KIF1A: variants seen among roughly 807,000 people sequenced by gnomAD.
KIF1A encodes kinesin-like protein KIF1A.
A neutral mutation model predicts 227.3 loss-of-function variants in KIF1A; 46 were observed. That is an observed-to-expected ratio of 0.20 (90% CI 0.16 to 0.26). KIF1A has a LOEUF of 0.26. KIF1A is among the 10% of genes least tolerant of loss of function. The pLI, the probability that KIF1A is intolerant of heterozygous loss-of-function variation, is 1.00. For missense variants in KIF1A, 1,683 were observed against 2,485.9 expected, an observed-to-expected ratio of 0.68 and a Z score of 6.87; for synonymous variants, 1,022 against 1,012.8, an observed-to-expected ratio of 1.01 and a Z score of -0.17.
intron 1 of KIF1A, among the ~76,000 whole-genome samples, chr2:240,815,017 C>T (rs372962209): frequency 4.6e-4 from 70 of 152,340 alleles, no homozygotes; most frequent in African/African-American, 1.7e-3. Context: ...GGTGTGGGGC[C>T]GTAAGCGTGC....
intron 38 of KIF1A, among the ~76,000 whole-genome samples, chr2:240,727,383 G>A (rs1214938569): frequency 1.3e-5 from 2 of 152,156 alleles, no homozygotes; most frequent in East Asian, 3.8e-4. Flanking sequence ...GGGAGGGAGA[G>A]GGCAGAGCCT....
At chr2:240,742,392 C>T (rs532729196) in intron 34 of KIF1A, among the ~76,000 whole-genome samples, 14 of 152,298 alleles carry the variant, frequency 9.2e-5, no homozygotes, top group Admixed American at 2.0e-4. Context: ...AGCTCTCCCC[C>T]GACCATGTCC....
chr2:240,776,011 G>T, intron 10 of KIF1A, 85 bp from the exon 11 acceptor site: 2 of 929,636 alleles, frequency 2.2e-6, no homozygotes, highest in East Asian at 2.5e-5. Flanking sequence ...CCTGCCAAGT[G>T]GGTCCTCAAA....
chr2:240,782,027 C>T (rs2126041302), intron 10 of KIF1A: 1 of 985,432 alleles, frequency 1.0e-6, no homozygotes, highest in Admixed American at 6.1e-5. Context: ...CTGTCTCACG[C>T]ATTCCCACGC....
Position 240,721,073 on chromosome 2 carries a change from G to A in KIF1A, c.4744-35C>T, listed in dbSNP as rs1359508959. On this transcript the variant is annotated intron_variant, in intron 44 of 48. Coordinates refer to ENST00000498729, the MANE Select transcript of KIF1A (RefSeq NM_001244008.2). ...AGAGGCCTTTTTCAGGGGACACAGG[G>A]AAGGGGGGTCTCCGGCCTCTGTGGG... The A allele has an allele frequency of 1.9e-6, 3 of 1,609,502 alleles. No individual in the cohort carries two copies. The South Asian group carries it at 3.3e-5, about 18-fold the overall frequency.
upstream of KIF1A, among the ~76,000 whole-genome samples, chr2:240,821,022 T>C (rs1308001211): frequency 1.3e-5 from 2 of 152,154 alleles, no homozygotes; most frequent in African/African-American, 4.8e-5. Context: ...GCCTTCCTAG[T>C]TCCAGGGGCT....
chr2:240,794,345 A>T (rs2056115641), intron 2 of KIF1A, among the ~76,000 whole-genome samples: 1 of 151,630 alleles, frequency 6.6e-6, no homozygotes, highest in African/African-American at 2.4e-5. Flanking sequence ...TTCTTCGGCC[A>T]CTCTTTTCCC....
At chr2:240,781,597 C>T (rs570501031) in intron 10 of KIF1A, among the ~76,000 whole-genome samples, 44 of 152,274 alleles carry the variant, frequency 2.9e-4, no homozygotes, top group African/African-American at 1.0e-3. Context: ...CATTCCCCAG[C>T]GTTCTCTGAC....
intron 25 of KIF1A, among the ~76,000 whole-genome samples, chr2:240,759,710 C>T (rs148470247): frequency 2.0e-5 from 3 of 152,164 alleles, no homozygotes; most frequent in African/African-American, 7.2e-5. Flanking sequence ...CAGTCACCCC[C>T]GTAACTTGAG....
intron 42 of KIF1A, among the ~76,000 whole-genome samples, chr2:240,722,983 C>T (rs1377302222): frequency 6.6e-6 from 1 of 152,154 alleles, no homozygotes; most frequent in Non-Finnish European, 1.5e-5. Flanking sequence ...AGGAGAGGGC[C>T]GAGGGGTGGG....
intron 1 of KIF1A, among the ~76,000 whole-genome samples, chr2:240,816,757 C>A (rs765944155): frequency 6.6e-6 from 1 of 152,218 alleles, no homozygotes; most frequent in Admixed American, 6.5e-5. Context: ...TCCACACATC[C>A]GGATCAATCT....
chr2:240,720,029 G>C, intron 45 of KIF1A, 103 bp from the exon 46 acceptor site: 8 of 1,190,812 alleles, frequency 6.7e-6, no homozygotes, highest in Non-Finnish European at 9.1e-6. Flanking sequence ...AGGTGCAGTA[G>C]GGCACCTTCG....
chr2:240,799,749 C>T (rs1028352490), intron 1 of KIF1A, among the ~76,000 whole-genome samples: 1 of 152,170 alleles, frequency 6.6e-6, no homozygotes, highest in Non-Finnish European at 1.5e-5. Context: ...TTCTAGGGAG[C>T]AATTCTGCAG....
Position 240,758,297 on chromosome 2 carries a change from AC to A in KIF1A, c.2582+62del. The A allele has an allele frequency of 3.2e-6, 5 of 1,555,534 alleles. No homozygotes were observed. The highest frequency in any genetic ancestry group is 2.7e-5 in the African/African-American group (2 of 73,638). ...TTGTATCAGGCCAGGGCCCACTCCT[AC>A]CCCCACTGCCATCTCTCTCTCTCAA... is the stretch of plus-strand genomic sequence containing the variant. On this transcript the variant is annotated intron_variant, in intron 26 of 48. Coordinates refer to ENST00000498729, the MANE Select transcript of KIF1A (RefSeq NM_001244008.2). The surrounding 1 kb of genome is among the most constrained non-coding windows in gnomAD (Gnocchi z 5.2).
At chr2:240,743,148 G>C (rs768539175) in intron 33 of KIF1A, among the ~76,000 whole-genome samples, 164 bp from the exon 34 acceptor site, 6 of 151,988 alleles carry the variant, frequency 3.9e-5, no homozygotes, top group Non-Finnish European at 7.4e-5. Flanking sequence ...AGGGACCCTT[G>C]GGACCCCAGC....
chr2:240,799,209 C>T (rs1312254788), intron 1 of KIF1A, among the ~76,000 whole-genome samples: 1 of 152,118 alleles, frequency 6.6e-6, no homozygotes, highest in Non-Finnish European at 1.5e-5. Flanking sequence ...GGAAAGGGGG[C>T]ACAGCGAGCC....
chr2:240,715,889 G>C lies in KIF1A; in HGVS notation c.*1475C>G, dbSNP rs1481396932. On this transcript the variant is annotated 3_prime_UTR_variant, in exon 49 of 49. Transcript: ENST00000498729. ...GTAACTGCTCCCACGGGCCACGGCG[G>C]GAGAGGGGCTCTGTTGCTTGGCTAC... is the stretch of plus-strand genomic sequence containing the variant. The C allele has an allele frequency of 2.6e-5, 4 of 152,316 alleles. No individual in the cohort carries two copies. The highest frequency in any genetic ancestry group is 5.9e-5 in the Non-Finnish European group (4 of 68,054). The allele number at this position is 152,316 out of a possible 1,614,324, so 9.4% of individuals were successfully genotyped here.
At chr2:240,784,286 T>A (rs2054432901) in intron 7 of KIF1A, among the ~76,000 whole-genome samples, 1 of 152,016 alleles carries the variant, frequency 6.6e-6, no homozygotes, top group Non-Finnish European at 1.5e-5. Flanking sequence ...GCACCCGCAG[T>A]CTGGGGTGGG....
chr2:240,795,535 T>C (rs1575650422), intron 2 of KIF1A, among the ~76,000 whole-genome samples: 1 of 152,286 alleles, frequency 6.6e-6, no homozygotes, highest in African/African-American at 2.4e-5. Flanking sequence ...GCTCTCTGGG[T>C]CTGGGCCGGC....
Sources: allele counts gnomAD v4.1 joint callset (sites outside exome capture counted in the v4.1 genomes callset), GRCh38; gene constraint gnomAD v4.1.1; non-coding constraint Gnocchi (gnomAD v3.1); transcripts MANE v1.5; gene names NCBI Gene and HGNC (gene_info 2026-07-23, HGNC 2026-07-21).